ORC3: variants seen among roughly 807,000 people sequenced by gnomAD.
ORC3 encodes origin recognition complex subunit 3.
A neutral mutation model predicts 100.7 loss-of-function variants in ORC3; 78 were observed. The observed-to-expected ratio is 0.77, with a 90% confidence interval of 0.65 to 0.94. The LOEUF is 0.94. Ranked by LOEUF, ORC3 falls within the 40% of genes least tolerant of loss-of-function variation. The pLI is 0.00. For synonymous variants in ORC3, 295 were observed against 289.3 expected, an observed-to-expected ratio of 1.02 and a Z score of -0.20; for missense variants, 789 against 823.9, an observed-to-expected ratio of 0.96 and a Z score of 0.52.
chr6:87,652,373 C>G (rs1562375705), intron 13 of ORC3, among the ~76,000 whole-genome samples: 2 of 152,174 alleles, frequency 1.3e-5, no homozygotes, highest in African/African-American at 4.8e-5. Flanking sequence ...AGAACAAGAT[C>G]CTAACTTTAG....
intron 8 of ORC3, among the ~76,000 whole-genome samples, chr6:87,614,553 T>G (rs189132415): frequency 6.6e-6 from 1 of 152,202 alleles, no homozygotes; most frequent in African/African-American, 2.4e-5. Context: ...TTCCAAACTT[T>G]TATGCCCTGC....
intron 11 of ORC3, among the ~76,000 whole-genome samples, chr6:87,632,559 A>G (rs1476522655): frequency 6.6e-6 from 1 of 152,136 alleles, no homozygotes; most frequent in Admixed American, 6.6e-5. Flanking sequence ...AAACAAAACA[A>G]TACAATACAA....
intron 9 of ORC3, among the ~76,000 whole-genome samples, chr6:87,617,459 G>C (rs1751337912): frequency 6.6e-6 from 1 of 152,116 alleles, no homozygotes; most frequent in Admixed American, 6.6e-5. Flanking sequence ...ATTATGCCAG[G>C]CACGGTGGCT....
chr6:87,608,835 TTC>T (rs1778531914), intron 6 of ORC3, among the ~76,000 whole-genome samples: 1 of 152,214 alleles, frequency 6.6e-6, no homozygotes, highest in Non-Finnish European at 1.5e-5. Context: ...CCATGTTTTT[TTC>T]TGTCATTTCC....
intron 11 of ORC3, among the ~76,000 whole-genome samples, chr6:87,632,160 T>A (rs1767474811): frequency 6.6e-6 from 1 of 151,910 alleles, no homozygotes. Context: ...CAAGACTCCA[T>A]CTCCAAAAAC....
In ORC3 at chr6:87,594,261, A is replaced by T. The variant is rs28381466; in HGVS notation, c.25-92A>T. ...GTTCTCTCCCCTAACATCTTTTTTT[A>T]AAAAAGTGCTTACCCATAAAATATT... On this transcript the variant is annotated intron_variant, in intron 1 of 19. Coordinates refer to ENST00000392844, the MANE Select transcript of ORC3 (RefSeq NM_012381.4). 8,194 of 818,328 alleles carry T rather than the reference A, an allele frequency of 0.01. 77 individuals carry two copies. The highest frequency in any genetic ancestry group is 0.011 in the Non-Finnish European group (5,654 of 517,822). The allele number at this position is 818,328 out of a possible 1,614,324, so 50.7% of individuals were successfully genotyped here.
chr6:87,605,914 T>A lies in ORC3; in HGVS notation c.323-3T>A, dbSNP rs200973798. 4.3e-5 allele frequency: 64 copies of A among 1,503,204 alleles called. No homozygotes were observed. The East Asian group carries it at 1.3e-3, about 31-fold the overall frequency. 93.1% of individuals were successfully genotyped at this position (1,503,204 alleles called of 1,614,324 possible). A position where few individuals can be genotyped will look rare whatever the true frequency, so the allele number is the denominator to read the frequency against. On this transcript the variant is annotated splice_polypyrimidine_tract_variant and splice_region_variant and intron_variant, in intron 4 of 19. Coordinates refer to ENST00000392844, the MANE Select transcript of ORC3 (RefSeq NM_012381.4). ...GATGTAATATTGATGTATTATCTCATAGGTGTGAATGTCACAGATCATGAT... is the reference window on the plus strand; with the variant it reads ...GATGTAATATTGATGTATTATCTCAAAGGTGTGAATGTCACAGATCATGAT...
At chr6:87,616,833 CTT>C (rs1168001628) in intron 9 of ORC3, among the ~76,000 whole-genome samples, 3 of 151,570 alleles carry the variant, frequency 2.0e-5, no homozygotes, top group African/African-American at 2.4e-5. Flanking sequence ...TGGAGTTTCA[CTT>C]TGTTGCCCAG....
At chr6:87,664,880 C>T in intron 18 of ORC3, 21 bp downstream of exon 18, 1 of 1,425,796 alleles carries the variant, frequency 7.0e-7, no homozygotes, top group Non-Finnish European at 9.8e-7. Context: ...GGGAAAAGAA[C>T]AAGCTAGATA....
At chr6:87,641,642 G>A (rs932014269) in intron 13 of ORC3, among the ~76,000 whole-genome samples, 3 of 152,132 alleles carry the variant, frequency 2.0e-5, no homozygotes, top group African/African-American at 7.2e-5. Flanking sequence ...ATTGATAGCT[G>A]GAGGAATTTA....
At position 87,624,702 on chromosome 6, in the gene ORC3, T is replaced by C. The variant is rs531293144; in HGVS notation, c.1185+2689T>C. 3.3e-5 allele frequency among the ~76,000 whole-genome samples: 5 copies of C among 152,322 alleles called. No homozygotes were observed. The East Asian group carries it at 9.6e-4, about 29-fold the overall frequency. On this transcript the variant is annotated intron_variant, in intron 11 of 19. Coordinates refer to ENST00000392844, the MANE Select transcript of ORC3 (RefSeq NM_012381.4). ...CTTATTTAAGCCTCAATTTTCTTTT[T>C]TTTAATTATACTTTAAGTTCTAGGG...
At chr6:87,644,247 T>C (rs1025563204) in intron 13 of ORC3, among the ~76,000 whole-genome samples, 1 of 149,978 alleles carries the variant, frequency 6.7e-6, no homozygotes, top group Non-Finnish European at 1.5e-5. Context: ...CGCCCGCCAC[T>C]ACGCCCGGCT....
At chr6:87,632,963 G>A (rs1161655655) in intron 11 of ORC3, among the ~76,000 whole-genome samples, 1 of 152,178 alleles carries the variant, frequency 6.6e-6, no homozygotes, top group African/African-American at 2.4e-5. Flanking sequence ...GACCACCTAG[G>A]AGAAAAACAT....
intron 11 of ORC3, among the ~76,000 whole-genome samples, chr6:87,629,722 A>G (rs1018320908): frequency 5.9e-5 from 9 of 152,124 alleles, no homozygotes; most frequent in Non-Finnish European, 7.4e-5. Flanking sequence ...CCCCTTTTGA[A>G]GTCCACAGTG....
Position 87,657,941 on chromosome 6 carries a change from G to C in ORC3, c.1614G>C (p.Glu538Asp). The C allele has an allele frequency of 6.3e-7, 1 of 1,576,588 alleles. No individual in the cohort carries two copies. The highest frequency in any genetic ancestry group is 1.1e-5 in the South Asian group (1 of 90,282). Residue 538 changes from glutamate (E) to aspartate (D), a missense_variant, in exon 16 of 20, where the codon GAG becomes GAC. Around this residue, in one of 3 missense-constraint regions of ORC3, gnomAD observed 366 missense variants for 394.2 expected, o/e 0.93. Coordinates refer to ENST00000392844, the MANE Select transcript of ORC3 (RefSeq NM_012381.4). ...HLQKSLLEMK[E>D]LRRSKKQTKF... is the part of the protein sequence containing the mutation. Reference sequence around the variant, plus strand: ...TATAGTCCTTATTGGAAATGAAGGAGTTAAGAAGAAGTAAGAAGCAAACCA... The same window carrying C: ...TATAGTCCTTATTGGAAATGAAGGACTTAAGAAGAAGTAAGAAGCAAACCA...
rs6454635 is a variant in ORC3, at chr6:87,593,080, G to A, written c.25-1273G>A. On this transcript the variant is annotated intron_variant, in intron 1 of 19. Coordinates refer to ENST00000392844, the MANE Select transcript of ORC3 (RefSeq NM_012381.4). Reference sequence around the variant, plus strand: ...TGCACTCCAGCCTGGACGACAGAGCGAGACTCTGTCTCAAAAAAACAAACA... The same window carrying A: ...TGCACTCCAGCCTGGACGACAGAGCAAGACTCTGTCTCAAAAAAACAAACA... Among the ~76,000 whole-genome samples the A allele has an allele frequency of 6.4e-3, 972 of 152,170 alleles. 7 individuals carry two copies. Among genetic ancestry groups the A allele is most frequent in the African/African-American group, 0.022 (897 of 41,524 alleles).
At position 87,666,365 on chromosome 6, in the gene ORC3, T is replaced by C. The variant is rs748209358; in HGVS notation, c.2030+532T>C. ...CAGGCTGGTCTCGAACTCCTGACCT[T>C]GTGATCCGCCCGCCTTGGCCTCCCA... is the stretch of plus-strand genomic sequence containing the variant. On this transcript the variant is annotated intron_variant, in intron 19 of 19. Coordinates refer to ENST00000392844, the MANE Select transcript of ORC3 (RefSeq NM_012381.4). Among the ~76,000 whole-genome samples the C allele has an allele frequency of 4.6e-5, 7 of 150,826 alleles. No homozygotes were observed. In the South Asian group the frequency reaches 1.1e-3, roughly 23 times the overall value.
chr6:87,643,566 T>C (rs1333839897), intron 13 of ORC3, among the ~76,000 whole-genome samples: 2 of 152,240 alleles, frequency 1.3e-5, no homozygotes, highest in African/African-American at 2.4e-5. Context: ...AATAGTGAGC[T>C]AATGGTTTTT....
At chr6:87,613,831 C>G (rs1778959869) in intron 8 of ORC3, among the ~76,000 whole-genome samples, 3 of 152,216 alleles carry the variant, frequency 2.0e-5, no homozygotes, top group African/African-American at 7.2e-5. Context: ...TCTTTGGCAG[C>G]TTCACCCCTG....
Sources: allele counts gnomAD v4.1 joint callset (sites outside exome capture counted in the v4.1 genomes callset), GRCh38; gene constraint gnomAD v4.1.1; regional missense constraint gnomAD v4.1.1; transcripts MANE v1.5; gene names NCBI Gene and HGNC (gene_info 2026-07-23, HGNC 2026-07-21).